Variants in FNDC9 observed in about 807,000 individuals in gnomAD.
FNDC9 encodes fibronectin type III domain-containing protein 9.
In FNDC9, 3 loss-of-function variants were observed where a neutral mutation model predicts 9.0. That is an observed-to-expected ratio of 0.33 (90% CI 0.15 to 0.86). The LOEUF (loss-of-function observed/expected upper bound fraction) is 0.86. FNDC9 is among the 40% of genes least tolerant of loss of function. The pLI is 0.53. For missense variants in FNDC9, 279 were observed against 287.2 expected (o/e 0.97, Z 0.21); for synonymous variants, 114 against 115.6 (o/e 0.99, Z 0.09).
chr5:157,343,590 T>C, intron 1 of FNDC9, 47 bp from the exon 2 acceptor site: 3 of 1,415,478 alleles, frequency 2.1e-6, no homozygotes, highest in Non-Finnish European at 2.9e-6. Flanking sequence ...GATTTAAGTA[T>C]GTATTTATCA....
At chr5:157,344,691 G>T (rs1005492345) in intron 1 of FNDC9, among the ~76,000 whole-genome samples, 1 of 152,180 alleles carries the variant, frequency 6.6e-6, no homozygotes, top group Non-Finnish European at 1.5e-5. Context: ...TCACATAACA[G>T]TCTCACCCTG....
Position 157,342,012 on chromosome 5 carries a change from T to G in FNDC9, c.*850A>C, listed in dbSNP as rs1561746007. ...ATTCTCTTTCAAACCTTATGCTATA[T>G]CAAGGAGAAAGACAAATATTGGTGC... On this transcript the variant is annotated 3_prime_UTR_variant, in exon 2 of 2. Transcript: ENST00000312349. The G allele has an allele frequency of 2.6e-5, 4 of 152,710 alleles. No homozygotes were observed. In the South Asian group the frequency reaches 8.3e-4, roughly 32 times the overall value. The allele number at this position is 152,710 out of a possible 1,614,324, so 9.5% of individuals were successfully genotyped here.
At chr5:157,344,430 C>T (rs1239865928) in intron 1 of FNDC9, among the ~76,000 whole-genome samples, 3 of 152,240 alleles carry the variant, frequency 2.0e-5, no homozygotes, top group East Asian at 1.9e-4. Context: ...GACTTAGTGC[C>T]GCCTAACCAC....
rs751359513 is a variant in FNDC9, at chr5:157,343,412, C to T, written c.125G>A (p.Gly42Asp). Residue 42 changes from glycine to aspartate, a missense_variant, in exon 2 of 2, where the codon GGC becomes GAC. Gly to Asp is a moderately conservative substitution (Grantham distance 94, BLOSUM62 -1). Coordinates refer to ENST00000312349, the MANE Select transcript of FNDC9 (RefSeq NM_001001343.4). ...YRPNWNSIFS[G>D]YLRYSFHHEE... ...GTGGTGGAAGCTGTAGCGAAGATAG[C>T]CAGAGAAGATGCTGTTCCAGTTGGG... 1.2e-6 allele frequency: 2 copies of T among 1,614,120 alleles called. No individual in the cohort carries two copies. Among genetic ancestry groups the T allele is most frequent in the Non-Finnish European group, 1.7e-6 (2 of 1,180,012 alleles).
chr5:157,343,633 A>C, intron 1 of FNDC9, 90 bp from the exon 2 acceptor site: 6 of 1,022,456 alleles, frequency 5.9e-6, no homozygotes, highest in Non-Finnish European at 7.0e-6. Context: ...CACATTTGAG[A>C]CGGGCACTCA....
chr5:157,345,285 T>C (rs1005606070), intron 1 of FNDC9: 1 of 152,404 alleles, frequency 6.6e-6, no homozygotes, highest in Non-Finnish European at 1.5e-5. Flanking sequence ...AAATGTTCTC[T>C]TGGCTTCCTA....
At position 157,342,851 on chromosome 5, in the gene FNDC9, C is replaced by T; in HGVS notation, c.*11G>A. The T allele has an allele frequency of 6.2e-7, 1 of 1,603,208 alleles. No individual in the cohort carries two copies. The highest frequency in any genetic ancestry group is 1.1e-5 in the South Asian group (1 of 89,840). On this transcript the variant is annotated 3_prime_UTR_variant, in exon 2 of 2. Coordinates refer to ENST00000312349, the MANE Select transcript of FNDC9 (RefSeq NM_001001343.4). ...TTAGGCTACATGATGCGGGCGCTCT[C>T]CTCCCCACTCTCATTCCCCACAATG...
Position 157,342,789 on chromosome 5 carries a change from G to T in FNDC9, c.*73C>A. The T allele has an allele frequency of 7.0e-7, 1 of 1,420,976 alleles. No homozygotes were observed. Among genetic ancestry groups the T allele is most frequent in the Non-Finnish European group, 9.5e-7 (1 of 1,053,222 alleles). 88.0% of individuals were successfully genotyped at this position (1,420,976 alleles called of 1,614,324 possible). ...ATGGGAGAGAAATGGGTAGTCTATAGACACATTTGTACAAACGACCTACTG... is the reference window on the plus strand; with the variant it reads ...ATGGGAGAGAAATGGGTAGTCTATATACACATTTGTACAAACGACCTACTG... On this transcript the variant is annotated 3_prime_UTR_variant, in exon 2 of 2. Coordinates refer to ENST00000312349, the MANE Select transcript of FNDC9 (RefSeq NM_001001343.4).
rs1762331222 is a variant in FNDC9, at chr5:157,342,350, T to C, written c.*512A>G. 6.5e-6 allele frequency: 1 copy of C among 152,928 alleles called. No homozygotes were observed. Among genetic ancestry groups the C allele is most frequent in the Non-Finnish European group, 1.5e-5 (1 of 68,358 alleles). 9.5% of individuals were successfully genotyped at this position (152,928 alleles called of 1,614,324 possible). A position where few individuals can be genotyped will look rare whatever the true frequency, so the allele number is the denominator to read the frequency against. ...CATGGTTTTAAAAAATAGAGAGCGGTGGTATGTGATTGCCTAAAAGTTGGA... is the reference window on the plus strand; with the variant it reads ...CATGGTTTTAAAAAATAGAGAGCGGCGGTATGTGATTGCCTAAAAGTTGGA... On this transcript the variant is annotated 3_prime_UTR_variant, in exon 2 of 2. Transcript: ENST00000312349.
Position 157,343,321 on chromosome 5 carries a change from G to A in FNDC9, c.216C>T (p.Tyr72=), listed in dbSNP as rs1002137431. The A allele has an allele frequency of 6.2e-7, 1 of 1,614,228 alleles. No individual in the cohort carries two copies. The highest frequency in any genetic ancestry group is 8.5e-7 in the Non-Finnish European group (1 of 1,180,040). Residue 72 remains tyrosine (Y), a synonymous_variant, in exon 2 of 2, where the codon TAC becomes TAT. Coordinates refer to ENST00000312349, the MANE Select transcript of FNDC9 (RefSeq NM_001001343.4). ...CCTTCTTACAGCTGATGCACAGGAA[G>A]TAGAGAGTGGAAGGGGCAAGATGTT... ...VLEHLAPSTL[Y]FLCISCKKAA...
chr5:157,342,915 A>T lies in FNDC9; in HGVS notation c.622T>A (p.Leu208Ile). 6.2e-7 allele frequency: 1 copy of T among 1,614,118 alleles called. No individual in the cohort carries two copies. The highest frequency in any genetic ancestry group is 8.5e-7 in the Non-Finnish European group (1 of 1,179,998). Residue 208 changes from leucine to isoleucine, a missense_variant, in exon 2 of 2, where the codon TTA (leucine) becomes ATA (isoleucine). Coordinates refer to ENST00000312349, the MANE Select transcript of FNDC9 (RefSeq NM_001001343.4). ...ANQDAPDAGA[L>I]QRGGGDPPAI... The stretch of plus-strand genomic sequence containing the variant: ...GGTGGGTCACCACCCCCCCTCTGTA[A>T]GGCACCCGCATCAGGGGCATCCTGG...
chr5:157,343,003 G>A lies in FNDC9; in HGVS notation c.534C>T (p.Leu178=), dbSNP rs760704939. The stretch of plus-strand genomic sequence containing the variant: ...TCTTGCGTGGCATTTCCACCAGGGG[G>A]AGCCCCTGCAGGTCTTCCTCCCTCT... ...LGQREEDLQG[L]PLVEMPRKNS... is the part of the protein sequence containing the mutation. Residue 178 remains leucine (L), a synonymous_variant, in exon 2 of 2, where the codon CTC becomes CTT. Transcript: ENST00000312349. The A allele has an allele frequency of 1.9e-6, 3 of 1,614,078 alleles. No homozygotes were observed. In the African/African-American group the frequency reaches 4.0e-5, roughly 22 times the overall value.
Position 157,343,241 on chromosome 5 carries a change from G to A in FNDC9, c.296C>T (p.Pro99Leu), listed in dbSNP as rs150327585. 147 of 1,614,204 alleles carry A rather than the reference G, an allele frequency of 9.1e-5. 1 individual carries two copies. The highest frequency in any genetic ancestry group is 7.4e-4 in the East Asian group (33 of 44,878). Residue 99 changes from proline to leucine, a missense_variant, in exon 2 of 2, where the codon CCG becomes CTG. By Grantham distance (98) the Pro-to-Leu change is moderately conservative. Transcript: ENST00000312349. ...TACCAGGGAGCTTCCAGGAGCCAGC[G>A]GACTCTTATCCAGGGTGTGGAACAT... ...CTMFHTLDKS[P>L]LAPGSSLVDP...
chr5:157,343,396 G>T lies in FNDC9; in HGVS notation c.141C>A (p.Ser47Arg). ...GAGGCACCTTCTCCTCGTGGTGGAA[G>T]CTGTAGCGAAGATAGCCAGAGAAGA... ...NSIFSGYLRYSFHHEEKVPRT... is the reference protein window; with the variant it reads ...NSIFSGYLRYRFHHEEKVPRT... Residue 47 changes from serine (S) to arginine (R), a missense_variant, in exon 2 of 2, where the codon AGC becomes AGA. Physicochemically the swap from Ser to Arg is moderately radical, Grantham distance 110. Transcript: ENST00000312349. 6.2e-7 allele frequency: 1 copy of T among 1,614,198 alleles called. No individual in the cohort carries two copies. The highest frequency in any genetic ancestry group is 1.3e-5 in the African/African-American group (1 of 75,044).
chr5:157,341,977 TC>T lies in FNDC9; in HGVS notation c.*884del, dbSNP rs1762300358. On this transcript the variant is annotated 3_prime_UTR_variant, in exon 2 of 2. Transcript: ENST00000312349. ...TGACTCGCAAAGTAAAAACAGCACT[TC>T]CCTTTTCGATTCTCTTTCAAACCTT... The T allele has an allele frequency of 6.6e-6, 1 of 152,428 alleles. No individual in the cohort carries two copies. Among genetic ancestry groups the T allele is most frequent in the Admixed American group, 6.5e-5 (1 of 15,284 alleles). The allele number at this position is 152,428 out of a possible 1,614,324, so 9.4% of individuals were successfully genotyped here.
rs775917209 is a variant in FNDC9 at position 157,343,134 on chromosome 5, AC to A, written c.402del (p.Gln134HisfsTer26). The A allele has an allele frequency of 2.5e-6, 4 of 1,614,066 alleles. No individual in the cohort carries two copies. In the South Asian group the frequency reaches 4.4e-5, roughly 18 times the overall value. ...GGCTCATGGCAACGGACACACCAGA[AC>A]TGGAGGCAGATGAAGGCCAAGACGG... ...FTAVLAFICL[Q>X]FWCVRCHEPR... On this transcript the variant is annotated frameshift_variant, in exon 2 of 2. Coordinates refer to ENST00000312349, the MANE Select transcript of FNDC9 (RefSeq NM_001001343.4). LOFTEE classifies it low-confidence loss of function (END_TRUNC).
rs139298900 is a variant in FNDC9 at position 157,343,040 on chromosome 5, G to A, written c.497C>T (p.Pro166Leu). 95 of 1,614,076 alleles carry A rather than the reference G, an allele frequency of 5.9e-5. No individual in the cohort carries two copies. Among genetic ancestry groups the A allele is most frequent in the Non-Finnish European group, 7.3e-5 (86 of 1,179,894 alleles). ...NGLVRWPEEA[P>L]DLGQREEDLQ... ...GTCTTCCTCCCTCTGACCAAGATCC[G>A]GGGCCTCCTCTGGCCATCTCACCAA... is the stretch of plus-strand genomic sequence containing the variant. Residue 166 changes from proline to leucine, a missense_variant, in exon 2 of 2, where the codon CCG (proline) becomes CTG (leucine). By Grantham distance (98) the Pro-to-Leu change is moderately conservative. Coordinates refer to ENST00000312349, the MANE Select transcript of FNDC9 (RefSeq NM_001001343.4).
intron 1 of FNDC9, among the ~76,000 whole-genome samples, chr5:157,345,078 G>C (rs1221047088): frequency 6.6e-6 from 1 of 152,236 alleles, no homozygotes; most frequent in Non-Finnish European, 1.5e-5. Flanking sequence ...GACCCTTCCA[G>C]GGAAGGTCAT....
chr5:157,345,186 G>A (rs551387391), intron 1 of FNDC9, among the ~76,000 whole-genome samples: 5 of 152,296 alleles, frequency 3.3e-5, no homozygotes, highest in East Asian at 1.9e-4. Context: ...TTTCGACCAC[G>A]ATGAAAAGAG....
Sources: gnomAD v4.1 joint callset for allele counts (sites outside exome capture counted in the v4.1 genomes callset) on GRCh38, gnomAD v4.1.1 for gene constraint, MANE v1.5 for transcripts, NCBI Gene and HGNC (gene_info 2026-07-23, HGNC 2026-07-21) for gene names.